Variants in NDUFAF6 observed in about 807,000 individuals in gnomAD.
The protein encoded by NDUFAF6 is NADH dehydrogenase (ubiquinone) complex I, assembly factor 6.
In NDUFAF6, 45 loss-of-function variants were observed where a neutral mutation model predicts 40.8. The ratio of observed to expected loss-of-function variants is 1.10; its 90% CI spans 0.87 to 1.42. The LOEUF (loss-of-function observed/expected upper bound fraction) is 1.42, where lower values mean the gene tolerates loss of function less well. NDUFAF6 is among the 40% of genes most tolerant of loss of function. The pLI, the probability that NDUFAF6 is intolerant of heterozygous loss-of-function variation, is 0.00. For missense variants in NDUFAF6, 435 were observed against 418.5 expected (o/e 1.04, Z -0.34); for synonymous variants, 185 against 155.9 (o/e 1.19, Z -1.39).
chr8:95,099,788 T>C (rs79036791), upstream of NDUFAF6, among the ~76,000 whole-genome samples: 3,057 of 152,274 alleles, frequency 0.02, 34 homozygotes, highest in South Asian at 0.037. Context: ...CAAAGCCATC[T>C]TGAAGTTCAG....
intron 2 of NDUFAF6, among the ~76,000 whole-genome samples, chr8:95,085,108 G>C (rs1285956534): frequency 2.6e-5 from 4 of 151,840 alleles, no homozygotes; most frequent in African/African-American, 7.2e-5. Context: ...AAGCCCATTG[G>C]CTATTACCTG....
chr8:95,025,061 C>G lies in NDUFAF6; in HGVS notation c.53C>G (p.Pro18Arg), dbSNP rs922138593. ...SVWGPLRLGI[P>R]GLCCRRPPLG... is the part of the protein sequence containing the mutation. ...TGGGGGCCGTTGCGGCTTGGCATCC[C>G]CGGCCTGTGCTGCCGCCGGCCGCCT... The change falls in exon 1 of 9, where the codon CCC (proline) becomes CGC (arginine). Residue 18 changes from proline (P) to arginine (R), a missense_variant. Physicochemically the swap from Pro to Arg is moderately radical, Grantham distance 103. Coordinates refer to ENST00000396124, the MANE Select transcript of NDUFAF6 (RefSeq NM_152416.4). 8.4e-6 allele frequency: 12 copies of G among 1,429,758 alleles called. No individual in the cohort carries two copies. The highest frequency in any genetic ancestry group is 1.0e-5 in the Non-Finnish European group (11 of 1,103,452). 88.6% of individuals were successfully genotyped at this position (1,429,758 alleles called of 1,614,324 possible).
At chr8:94,970,560 C>T (rs1386512109) in intron 1 of NDUFAF6, among the ~76,000 whole-genome samples, 1 of 151,962 alleles carries the variant, frequency 6.6e-6, no homozygotes, top group African/African-American at 2.4e-5. Context: ...CATTGCACTC[C>T]CGCCTGGGTG....
downstream of NDUFAF6, among the ~76,000 whole-genome samples, chr8:95,061,357 A>G (rs1259889848): frequency 6.6e-6 from 1 of 152,138 alleles, no homozygotes; most frequent in Admixed American, 6.6e-5. Context: ...TATTGGCTTA[A>G]TCGATTGCCT....
At chr8:95,078,649 T>TAAAAAAA (rs1209883878), downstream of NDUFAF6, 3 of 126,852 alleles carry the variant, frequency 2.4e-5, no homozygotes, top group African/African-American at 9.3e-5. Flanking sequence ...CTTTCTCTGT[T>TAAAAAAA]AAAAAAAAAA....
At chr8:94,966,758 A>G (rs182524984) in intron 1 of NDUFAF6, among the ~76,000 whole-genome samples, 240 of 152,160 alleles carry the variant, frequency 1.6e-3, no homozygotes, top group Non-Finnish European at 2.4e-3. Context: ...CCTATCCTCA[A>G]ATTTGCTTTA....
At chr8:95,111,305 T>C (rs58183729) in intron 4 of NDUFAF6, among the ~76,000 whole-genome samples, 3,786 of 152,284 alleles carry the variant, frequency 0.025, 147 homozygotes, top group African/African-American at 0.084. Flanking sequence ...AGGAAGCTGT[T>C]GCCAGATGCA....
intron 1 of NDUFAF6, among the ~76,000 whole-genome samples, chr8:94,963,956 T>G: frequency 6.6e-6 from 1 of 152,176 alleles, no homozygotes; most frequent in East Asian, 1.9e-4. Context: ...CCTCATCCTG[T>G]TAGGGCTGTG....
rs993650827 is a variant in NDUFAF6, at chr8:95,036,492, G to C, written c.420+916G>C. 7.0e-6 allele frequency: 9 copies of C among 1,289,226 alleles called. No homozygotes were observed. The Admixed American group carries it at 2.1e-4, about 30-fold the overall frequency. 79.9% of individuals were successfully genotyped at this position (1,289,226 alleles called of 1,614,324 possible). A position where few individuals can be genotyped will look rare whatever the true frequency, so the allele number is the denominator to read the frequency against. On this transcript the variant is annotated intron_variant, in intron 3 of 8. Coordinates refer to ENST00000396124, the MANE Select transcript of NDUFAF6 (RefSeq NM_152416.4). ...ATTGAGAAGAAAAAGTGGATGGGAA[G>C]CTGTGAGTATTAGATTAGTTCTTTA...
chr8:94,903,699 A>G (rs1324401307), intron 1 of NDUFAF6, among the ~76,000 whole-genome samples: 1 of 152,250 alleles, frequency 6.6e-6, no homozygotes, highest in African/African-American at 2.4e-5. Context: ...TGAAACAAGT[A>G]GGGTAAAATG....
chr8:94,916,100 G>T (rs1249052349), intron 1 of NDUFAF6, among the ~76,000 whole-genome samples: 1 of 152,220 alleles, frequency 6.6e-6, no homozygotes, highest in African/African-American at 2.4e-5. Flanking sequence ...AGGCAGTGAG[G>T]CATAAAGTGT....
intron 2 of NDUFAF6, among the ~76,000 whole-genome samples, chr8:95,033,146 A>G (rs957594650): frequency 6.6e-6 from 1 of 152,110 alleles, no homozygotes; most frequent in Admixed American, 6.6e-5. Flanking sequence ...GCTTTAAAGC[A>G]ATCCTCCCAC....
intron 1 of NDUFAF6, among the ~76,000 whole-genome samples, chr8:94,915,100 G>A (rs1819042036): frequency 6.6e-6 from 1 of 151,874 alleles, no homozygotes; most frequent in South Asian, 2.1e-4. Flanking sequence ...AGTCCCCAGT[G>A]TCTGTTGTTC....
At chr8:94,973,966 A>G (rs1013753951) in intron 1 of NDUFAF6, among the ~76,000 whole-genome samples, 1 of 152,036 alleles carries the variant, frequency 6.6e-6, no homozygotes, top group African/African-American at 2.4e-5. Flanking sequence ...CACTCAGTCT[A>G]TGGTATTTTC....
At chr8:94,920,368 G>A (rs190079296) in intron 1 of NDUFAF6, among the ~76,000 whole-genome samples, 1 of 152,316 alleles carries the variant, frequency 6.6e-6, no homozygotes, top group African/African-American at 2.4e-5. Flanking sequence ...TTGGTGTCTG[G>A]CAAAGTCTCA....
chr8:95,072,243 G>T (rs541160494), intron 9 of NDUFAF6, among the ~76,000 whole-genome samples: 1 of 152,154 alleles, frequency 6.6e-6, no homozygotes, highest in East Asian at 1.9e-4. Context: ...CCCCAGACCT[G>T]CCCAGGGCTG....
intron 1 of NDUFAF6, among the ~76,000 whole-genome samples, chr8:94,898,227 A>G (rs754484901): frequency 3.2e-4 from 49 of 152,182 alleles, no homozygotes; most frequent in Non-Finnish European, 4.9e-4. Context: ...ATTATTAACT[A>G]AAGTCCATAC....
intron 1 of NDUFAF6, among the ~76,000 whole-genome samples, chr8:94,970,586 T>G (rs1824387654): frequency 6.7e-6 from 1 of 148,272 alleles, no homozygotes; most frequent in Admixed American, 6.8e-5. Context: ...TTCCCATCTC[T>G]AAAAAAAAAT....
chr8:95,080,198 A>AT (rs1214095626), downstream of NDUFAF6, among the ~76,000 whole-genome samples: 2 of 117,944 alleles, frequency 1.7e-5, no homozygotes, highest in East Asian at 5.3e-4. Flanking sequence ...TTTTGTAGTG[A>AT]TTTTTTGTAG....
Sources: allele counts gnomAD v4.1 joint callset (sites outside exome capture counted in the v4.1 genomes callset), GRCh38; gene constraint gnomAD v4.1.1; transcripts MANE v1.5; gene names NCBI Gene and HGNC (gene_info 2026-07-23, HGNC 2026-07-21).